The following KRT38 variants were observed in gnomAD, a reference collection of about 807,000 sequenced individuals.
KRT38 encodes keratin 38, also known as keratin, type I cuticular Ha8.
KRT38 carries 45 observed loss-of-function variants against 43.1 expected under a neutral mutation model. The ratio of observed to expected loss-of-function variants is 1.04; its 90% CI spans 0.82 to 1.34. KRT38 has a LOEUF of 1.34. KRT38 is among the 40% of genes most tolerant of loss of function. The pLI is 0.00. For synonymous variants in KRT38, 258 were observed against 244.0 expected (o/e 1.06, Z -0.53); for missense variants, 627 against 586.2 (o/e 1.07, Z -0.72).
At chr17:41,438,382 G>T (rs2018754762) in intron 5 of KRT38, 69 bp from the exon 6 acceptor site, 3 of 1,603,466 alleles carry the variant, frequency 1.9e-6, no homozygotes, top group Non-Finnish European at 1.7e-6. Flanking sequence ...CTCAAATTTT[G>T]ATGGTGATAA....
At position 41,437,354 on chromosome 17, in the gene KRT38, C is replaced by G; in HGVS notation, c.*58G>C. On this transcript the variant is annotated 3_prime_UTR_variant, in exon 7 of 7. Transcript: ENST00000246646. ...GAAGCCAGATTTTCTAAAGGTATAACAAGCATCTCTCTTTGGGTATCCCTC... is the reference window on the plus strand; with the variant it reads ...GAAGCCAGATTTTCTAAAGGTATAAGAAGCATCTCTCTTTGGGTATCCCTC... 1 of 1,463,866 alleles carries G rather than the reference C, an allele frequency of 6.8e-7. No homozygotes were observed. Among genetic ancestry groups the G allele is most frequent in the East Asian group, 2.6e-5 (1 of 37,748 alleles). The allele number at this position is 1,463,866 out of a possible 1,614,324, so 90.7% of individuals were successfully genotyped here.
intron 4 of KRT38, 29 bp downstream of exon 4, chr17:41,438,668 C>T (rs988436680): frequency 1.3e-6 from 2 of 1,564,508 alleles, no homozygotes; most frequent in South Asian, 1.1e-5. Context: ...AGGCCAGGTA[C>T]CCCCTGGTTC....
In KRT38 at chr17:41,438,728, C is replaced by A. The variant is rs80116505; in HGVS notation, c.863G>T (p.Arg288Leu). 3.1e-6 allele frequency: 5 copies of A among 1,614,010 alleles called. No homozygotes were observed. Among genetic ancestry groups the A allele is most frequent in the Non-Finnish European group, 4.2e-6 (5 of 1,179,962 alleles). ...TTGGAACCACTGTTCCACATCCTGG[C>A]GGTTGGTCTCCAACATGGCCTCATA... Reference protein sequence around the residue: ...AQYEAMLETNRQDVEQWFQAQ... With the variant: ...AQYEAMLETNLQDVEQWFQAQ... Residue 288 changes from arginine (R) to leucine (L), a missense_variant, in exon 4 of 7, where the codon CGC becomes CTC. Physicochemically the swap from Arg to Leu is moderately radical, Grantham distance 102. Transcript: ENST00000246646.
At position 41,437,320 on chromosome 17, in the gene KRT38, A is replaced by C; in HGVS notation, c.*92T>G. The C allele has an allele frequency of 7.3e-7, 1 of 1,363,482 alleles. No homozygotes were observed. Among genetic ancestry groups the C allele is most frequent in the African/African-American group, 1.5e-5 (1 of 65,778 alleles). 84.5% of individuals were successfully genotyped at this position (1,363,482 alleles called of 1,614,324 possible). ...AGCCTTTGGACAGGCCTATACATAC[A>C]GAAAGTTAGAAGCCAGATTTTCTAA... On this transcript the variant is annotated 3_prime_UTR_variant, in exon 7 of 7. Transcript: ENST00000246646.
Position 41,440,700 on chromosome 17 carries a change from G to T in KRT38, c.222C>A (p.His74Gln), listed in dbSNP as rs1238303870. The part of the protein sequence containing the change: ...RPSLCLPPTC[H>Q]TACPLPGTCH... ...AGGTCCCTGGCAAGGGACAAGCAGT[G>T]TGGCAGGTAGGCGGCAGACAGAGGC... The change falls in exon 1 of 7, where the codon CAC becomes CAA. Residue 74 changes from histidine (H) to glutamine (Q), a missense_variant. Coordinates refer to ENST00000246646, the MANE Select transcript of KRT38 (RefSeq NM_006771.4). 6.2e-7 allele frequency: 1 copy of T among 1,614,236 alleles called. No homozygotes were observed. Among genetic ancestry groups the T allele is most frequent in the Non-Finnish European group, 8.5e-7 (1 of 1,180,040 alleles).
At position 41,438,220 on chromosome 17, in the gene KRT38, G is replaced by A; in HGVS notation, c.1114C>T (p.Gln372Ter). ...AGGTCGGCCCGGATCTCAGACAGCTGCTCCTCCACGTTGCTGATGAGGCTC... is the reference window on the plus strand; with the variant it reads ...AGGTCGGCCCGGATCTCAGACAGCTACTCCTCCACGTTGCTGATGAGGCTC... ...MQSLISNVEE[Q>*]LSEIRADLER... Residue 372 changes from glutamine to a stop codon, truncating the protein, a stop_gained, in exon 6 of 7, where the codon CAG becomes TAG. Transcript: ENST00000246646. LOFTEE classifies it high-confidence loss of function. The A allele has an allele frequency of 6.2e-6, 10 of 1,614,158 alleles. No homozygotes were observed. The highest frequency in any genetic ancestry group is 8.5e-6 in the Non-Finnish European group (10 of 1,180,030).
At position 41,440,907 on chromosome 17, in the gene KRT38, G is replaced by A. The variant is rs545926548; in HGVS notation, c.15C>T (p.Tyr5=). MTSS[Y]SSSSCPLGCT... ...AACCCAGAGGGCATGAGGAGCTGCT[G>A]TAGGAAGAGGTCATGGTGTTGGGCT... Residue 5 remains tyrosine (Y), a synonymous_variant, in exon 1 of 7, where the codon TAC becomes TAT. Transcript: ENST00000246646. 2.7e-5 allele frequency: 41 copies of A among 1,539,554 alleles called. No individual in the cohort carries two copies. The South Asian group carries it at 4.6e-4, about 17-fold the overall frequency.
intron 3 of KRT38, 29 bp from the exon 4 acceptor site, chr17:41,438,887 C>T (rs748534455): frequency 2.0e-5 from 32 of 1,611,002 alleles, no homozygotes; most frequent in Non-Finnish European, 2.7e-5. Flanking sequence ...GACAGACAGC[C>T]TGCATGAGGA....
At chr17:41,437,989 C>T (rs1252409767) in intron 6 of KRT38, 104 bp downstream of exon 6, 2 of 1,114,130 alleles carry the variant, frequency 1.8e-6, no homozygotes, top group Non-Finnish European at 2.6e-6. Context: ...AAAAGGAGTG[C>T]ACAGAGAGCC....
At chr17:41,438,984 G>A (rs768136788) in intron 3 of KRT38, 126 bp from the exon 4 acceptor site, 148 of 1,344,034 alleles carry the variant, frequency 1.1e-4, no homozygotes, top group Admixed American at 5.2e-4. Context: ...AAATGGGAAA[G>A]TCTTGCCCAG....
chr17:41,439,879 C>G (rs1013454616), intron 2 of KRT38, among the ~76,000 whole-genome samples: 2 of 152,212 alleles, frequency 1.3e-5, no homozygotes, highest in African/African-American at 4.8e-5. Flanking sequence ...GGCTGTCTTG[C>G]TCAGTTCATC....
chr17:41,438,650 C>T lies in KRT38; in HGVS notation c.895-34G>A, dbSNP rs374177585. The T allele has an allele frequency of 1.1e-4, 172 of 1,611,480 alleles. No homozygotes were observed. In the African/African-American group the frequency reaches 2.0e-3, roughly 19 times the overall value. On this transcript the variant is annotated intron_variant, in intron 4 of 6. Transcript: ENST00000246646. Reference sequence around the variant, plus strand: ...CAGAGAGACACGGTCACCTCCCTGCCCAGATGGAGGCCAGGTACCCCCTGG... The same window carrying T: ...CAGAGAGACACGGTCACCTCCCTGCTCAGATGGAGGCCAGGTACCCCCTGG...
chr17:41,438,494 G>C lies in KRT38; in HGVS notation c.1017C>G (p.Thr339=). 1 of 1,614,206 alleles carries C rather than the reference G, an allele frequency of 6.2e-7. No individual in the cohort carries two copies. The highest frequency in any genetic ancestry group is 1.1e-5 in the South Asian group (1 of 91,080). ...ALEVERQAQH[T]LKDCLQNSLC... The stretch of plus-strand genomic sequence containing the variant: ...AGTGAGAGTGAAGGACACGTACCAA[G>C]GTGTGCTGGGCTTGGCGCTCCACCT... Residue 339 remains threonine, a synonymous_variant, in exon 5 of 7, where the codon ACC becomes ACG. Coordinates refer to ENST00000246646, the MANE Select transcript of KRT38 (RefSeq NM_006771.4).
In KRT38 at chr17:41,438,710, C is replaced by T. The variant is rs199709026; in HGVS notation, c.881G>A (p.Trp294Ter). ...LETNRQDVEQWFQAQSEGISL... is the reference protein window; with the variant it reads ...LETNRQDVEQ ...CCCCCCACTCACCTGGGCTTGGAAC[C>T]ACTGTTCCACATCCTGGCGGTTGGT... is the stretch of plus-strand genomic sequence containing the variant. Residue 294 changes from tryptophan (W) to a stop codon, truncating the protein, a stop_gained, in exon 4 of 7, where the codon TGG becomes TAG. Coordinates refer to ENST00000246646, the MANE Select transcript of KRT38 (RefSeq NM_006771.4). LOFTEE classifies it high-confidence loss of function. The T allele has an allele frequency of 1.2e-6, 2 of 1,613,970 alleles. No homozygotes were observed. The highest frequency in any genetic ancestry group is 1.3e-5 in the African/African-American group (1 of 74,974).
chr17:41,440,553 G>A lies in KRT38; in HGVS notation c.369C>T (p.Arg123=), dbSNP rs186547261. The A allele has an allele frequency of 4.0e-5, 64 of 1,614,242 alleles. No individual in the cohort carries two copies. The Admixed American group carries it at 8.2e-4, about 21-fold the overall frequency. Residue 123 remains arginine (R), a synonymous_variant, in exon 1 of 7, where the codon CGC becomes CGT. Coordinates refer to ENST00000246646, the MANE Select transcript of KRT38 (RefSeq NM_006771.4). ...GCTCCGCATTCTCCTGCTCCAGCTG[G>A]CGCACCTTCTCCAGGTAGTTGGCCA... ...DRLANYLEKV[R]QLEQENAELE...
Position 41,436,583 on chromosome 17 carries a change from T to G in KRT38, c.*829A>C, listed in dbSNP as rs1461828575. On this transcript the variant is annotated 3_prime_UTR_variant, in exon 7 of 7. Transcript: ENST00000246646. ...TCTCTACCCATTGAATCAATAGGTTTCAATACTTCAGGAGAAAGTACTAGA... is the reference window on the plus strand; with the variant it reads ...TCTCTACCCATTGAATCAATAGGTTGCAATACTTCAGGAGAAAGTACTAGA... The G allele has an allele frequency of 6.6e-6, 1 of 152,188 alleles. No individual in the cohort carries two copies. Among genetic ancestry groups the G allele is most frequent in the East Asian group, 1.9e-4 (1 of 5,188 alleles). 9.4% of individuals were successfully genotyped at this position (152,188 alleles called of 1,614,324 possible).
intron 6 of KRT38, 112 bp from the exon 7 acceptor site, chr17:41,437,653 A>G: frequency 5.2e-6 from 6 of 1,150,436 alleles, no homozygotes; most frequent in Non-Finnish European, 7.2e-6. Flanking sequence ...ACATGGACCC[A>G]GCTGGACCCT....
At chr17:41,440,354 T>G (rs1352808372) in intron 1 of KRT38, 76 bp downstream of exon 1, 2 of 1,597,644 alleles carry the variant, frequency 1.3e-6, no homozygotes, top group Non-Finnish European at 1.7e-6. Context: ...CAAAGTTCTC[T>G]GAGCTTTACA....
rs17494404 is a variant in KRT38 at position 41,439,284 on chromosome 17, C to G, written c.651G>C (p.Ala217=). 8 of 1,614,144 alleles carry G rather than the reference C, an allele frequency of 5.0e-6. No homozygotes were observed. Among genetic ancestry groups the G allele is most frequent in the Non-Finnish European group, 5.9e-6 (7 of 1,180,030 alleles). ...CCTCCAGGTCGGCCTTGGCCAGGGT[C>G]GCATCATCCAGGAGCTTCTGTGTCC... The part of the protein sequence containing the change: ...KCGTQKLLDD[A]TLAKADLEAQ... Residue 217 remains alanine (A), a synonymous_variant, in exon 3 of 7, where the codon GCG becomes GCC. Coordinates refer to ENST00000246646, the MANE Select transcript of KRT38 (RefSeq NM_006771.4).
Sources: allele counts gnomAD v4.1 joint callset (sites outside exome capture counted in the v4.1 genomes callset), GRCh38; gene constraint gnomAD v4.1.1; transcripts MANE v1.5; gene names NCBI Gene and HGNC (gene_info 2026-07-23, HGNC 2026-07-21).